The following ANKRD12 variants were observed in gnomAD, a reference collection of about 807,000 sequenced individuals.
ANKRD12 encodes ankyrin repeat domain 12, also known as ankyrin repeat domain-containing protein 12.
Under a neutral mutation model 183.4 loss-of-function variants are expected in ANKRD12, and 85 were observed. That is an observed-to-expected ratio of 0.46 (90% CI 0.39 to 0.56). The LOEUF is 0.56. ANKRD12 is among the 20% of genes least tolerant of loss of function. The probability of loss-of-function intolerance (pLI) is 0.00; values close to 1 mark genes in which losing one functional copy is unlikely to be tolerated. For missense variants in ANKRD12, 2,405 were observed against 2,357.1 expected, an observed-to-expected ratio of 1.02 and a Z score of -0.42; for synonymous variants, 914 against 800.2, an observed-to-expected ratio of 1.14 and a Z score of -2.40.
intron 6 of ANKRD12, among the ~76,000 whole-genome samples, chr18:9,213,216 A>G (rs1369937997): frequency 6.6e-6 from 1 of 151,944 alleles, no homozygotes; most frequent in Admixed American, 6.6e-5. Flanking sequence ...GCCCTATTAT[A>G]ATACACCTGG....
At chr18:9,194,593 G>C (rs1010344760) in intron 2 of ANKRD12, among the ~76,000 whole-genome samples, 1 of 152,074 alleles carries the variant, frequency 6.6e-6, no homozygotes, top group South Asian at 2.1e-4. Context: ...CTGACCTCAG[G>C]TGATACCCAT....
intron 8 of ANKRD12, among the ~76,000 whole-genome samples, chr18:9,238,575 CTTCT>C (rs2037479599): frequency 6.6e-6 from 1 of 152,158 alleles, no homozygotes; most frequent in African/African-American, 2.4e-5. Flanking sequence ...CTTCCTTTTC[CTTCT>C]TTCAATTATT....
chr18:9,222,110 G>A, intron 8 of ANKRD12, 111 bp downstream of exon 8: 4 of 1,329,056 alleles, frequency 3.0e-6, no homozygotes, highest in Non-Finnish European at 4.1e-6. Flanking sequence ...AATAATGCTG[G>A]CTAGCTAGAA....
At position 9,284,865 on chromosome 18, in the gene ANKRD12, T is replaced by G. The variant is rs1319264426; in HGVS notation, c.*3739T>G. 6.6e-6 allele frequency: 1 copy of G among 152,200 alleles called. No individual in the cohort carries two copies. The highest frequency in any genetic ancestry group is 1.5e-5 in the Non-Finnish European group (1 of 68,030). 9.4% of individuals were successfully genotyped at this position (152,200 alleles called of 1,614,324 possible). On this transcript the variant is annotated 3_prime_UTR_variant, in exon 13 of 13. Coordinates refer to ENST00000262126, the MANE Select transcript of ANKRD12 (RefSeq NM_015208.5). The stretch of plus-strand genomic sequence containing the variant: ...TTCCCAGTGGTTAAATGCTATATAA[T>G]AACTGCAAATAAAAGTTTTTTTGTA...
intron 6 of ANKRD12, among the ~76,000 whole-genome samples, chr18:9,212,484 C>G (rs2035861241): frequency 1.3e-4 from 1 of 7,682 alleles, no homozygotes. Context: ...TCTATATATT[C>G]TTACAGTATA....
intron 8 of ANKRD12, among the ~76,000 whole-genome samples, chr18:9,241,956 T>G (rs2037688855): frequency 6.6e-6 from 1 of 151,744 alleles, no homozygotes. Context: ...GGAAAGAAAT[T>G]GCGAATACCT....
rs2040164188 is a variant in ANKRD12 at position 9,283,309 on chromosome 18, C to T, written c.*2183C>T. On this transcript the variant is annotated 3_prime_UTR_variant, in exon 13 of 13. Coordinates refer to ENST00000262126, the MANE Select transcript of ANKRD12 (RefSeq NM_015208.5). ...AAGAAGGAATCTGGTGAATTTTAGTCATCCCAGCTTTTTAGTCTTAACCAC... is the reference window on the plus strand; with the variant it reads ...AAGAAGGAATCTGGTGAATTTTAGTTATCCCAGCTTTTTAGTCTTAACCAC... 6.6e-6 allele frequency: 1 copy of T among 152,146 alleles called. No homozygotes were observed. The highest frequency in any genetic ancestry group is 1.9e-4 in the East Asian group (1 of 5,198). The allele number at this position is 152,146 out of a possible 1,614,324, so 9.4% of individuals were successfully genotyped here.
intron 1 of ANKRD12, among the ~76,000 whole-genome samples, chr18:9,165,239 A>AT (rs1227357796): frequency 6.6e-6 from 1 of 151,722 alleles, no homozygotes; most frequent in African/African-American, 2.4e-5. Flanking sequence ...TCTGTTTTCC[A>AT]TTGCTTGGTA....
rs572667642 is a variant in ANKRD12, at chr18:9,273,318, G to A, written c.5764-2206G>A. 2.1e-4 allele frequency among the ~76,000 whole-genome samples: 32 copies of A among 152,198 alleles called. No homozygotes were observed. In the Middle Eastern group the frequency reaches 0.01, roughly 49 times the overall value. On this transcript the variant is annotated intron_variant, in intron 10 of 12. Coordinates refer to ENST00000262126, the MANE Select transcript of ANKRD12 (RefSeq NM_015208.5). ...TCTGCATATTACATAATAATTTTGG[G>A]CCCCACTTAATACAGGATTTTATTG...
chr18:9,173,255 A>G lies in ANKRD12; in HGVS notation c.-51-9127A>G, dbSNP rs1246858410. Among the ~76,000 whole-genome samples the G allele has an allele frequency of 2.0e-5, 3 of 151,684 alleles. No individual in the cohort carries two copies. The East Asian group carries it at 5.8e-4, about 29-fold the overall frequency. On this transcript the variant is annotated intron_variant, in intron 1 of 12. Coordinates refer to ENST00000262126, the MANE Select transcript of ANKRD12 (RefSeq NM_015208.5). Reference sequence around the variant, plus strand: ...TGGCTAATTTTTGTATTTTTAGTAGAGATGGGGCTTCACAATGTTGGCCAG... The same window carrying G: ...TGGCTAATTTTTGTATTTTTAGTAGGGATGGGGCTTCACAATGTTGGCCAG...
At chr18:9,265,932 T>C (rs2039263628) in intron 10 of ANKRD12, among the ~76,000 whole-genome samples, 1 of 152,166 alleles carries the variant, frequency 6.6e-6, no homozygotes, top group Admixed American at 6.6e-5. Context: ...TTAAAGGACC[T>C]GATGGAACTG....
At chr18:9,223,662 G>A (rs1352136029) in intron 8 of ANKRD12, among the ~76,000 whole-genome samples, 1 of 152,054 alleles carries the variant, frequency 6.6e-6, no homozygotes, top group Non-Finnish European at 1.5e-5. Flanking sequence ...AATAAGAAAA[G>A]TATACTGCCT....
At chr18:9,171,972 A>G (rs962833302) in intron 1 of ANKRD12, among the ~76,000 whole-genome samples, 4 of 150,684 alleles carry the variant, frequency 2.7e-5, no homozygotes, top group Non-Finnish European at 4.4e-5. Flanking sequence ...ATGAGCTGGG[A>G]TCGCACCATT....
intron 1 of ANKRD12, among the ~76,000 whole-genome samples, chr18:9,168,624 G>A (rs1292569797): frequency 2.0e-5 from 3 of 151,814 alleles, no homozygotes; most frequent in Non-Finnish European, 2.9e-5. Context: ...TTCTTTATTA[G>A]TCTTGCTAGT....
intron 1 of ANKRD12, among the ~76,000 whole-genome samples, chr18:9,180,223 T>G (rs1238668295): frequency 6.6e-6 from 1 of 152,184 alleles, no homozygotes; most frequent in Non-Finnish European, 1.5e-5. Context: ...ATGTCCCTCT[T>G]CGTTCTGAAG....
Position 9,255,434 on chromosome 18 carries a change from A to C in ANKRD12, c.2167A>C (p.Lys723Gln), listed in dbSNP as rs1201405429. 1 of 1,572,924 alleles carries C rather than the reference A, an allele frequency of 6.4e-7. No homozygotes were observed. Among genetic ancestry groups the C allele is most frequent in the African/African-American group, 1.4e-5 (1 of 72,222 alleles). ...ACATGAATCCTTAACATTAGAAAAA[A>C]AATCAAAATTGGAAAAAAACATCAA... Reference protein sequence around the residue: ...MEHESLTLEKKSKLEKNIKDD... With the variant: ...MEHESLTLEKQSKLEKNIKDD... The change falls in exon 9 of 13, where the codon AAA becomes CAA. Residue 723 changes from lysine to glutamine, a missense_variant. This residue lies in a region of ANKRD12 where 1,983 missense variants were observed against 1,725.9 expected (regional missense o/e 1.15). Transcript: ENST00000262126.
intron 8 of ANKRD12, among the ~76,000 whole-genome samples, chr18:9,226,206 C>T (rs1356429132): frequency 1.3e-5 from 2 of 152,032 alleles, no homozygotes; most frequent in African/African-American, 2.4e-5. Context: ...GGTGGATCAC[C>T]TGAGGTCAGG....
intron 10 of ANKRD12, 124 bp downstream of exon 10, chr18:9,264,012 G>A: frequency 1.1e-6 from 1 of 921,018 alleles, no homozygotes. Flanking sequence ...AAGTGATTTG[G>A]TTTTATCTTG....
chr18:9,246,007 G>A (rs963377242), intron 8 of ANKRD12, among the ~76,000 whole-genome samples: 6 of 152,182 alleles, frequency 3.9e-5, no homozygotes, highest in Admixed American at 2.0e-4. Flanking sequence ...TTATGGTCAT[G>A]ACAGATGTAT....
Sources: allele counts gnomAD v4.1 joint callset (sites outside exome capture counted in the v4.1 genomes callset), GRCh38; gene constraint gnomAD v4.1.1; regional missense constraint gnomAD v4.1.1; transcripts MANE v1.5; gene names NCBI Gene and HGNC (gene_info 2026-07-23, HGNC 2026-07-21).